AFG3L2: variants seen among roughly 807,000 people sequenced by gnomAD.
AFG3L2 encodes mitochondrial inner membrane m-AAA protease component AFG3L2.
AFG3L2 carries 54 observed loss-of-function variants against 94.5 expected under a neutral mutation model. That is an observed-to-expected ratio of 0.57 (90% confidence interval 0.46 to 0.72). The LOEUF (loss-of-function observed/expected upper bound fraction) is 0.72, where lower values mean the gene tolerates loss of function less well. AFG3L2 is among the 30% of genes least tolerant of loss of function. AFG3L2 has a pLI of 0.00. For synonymous variants in AFG3L2, 377 were observed against 365.5 expected, an observed-to-expected ratio of 1.03 and a Z score of -0.36; for missense variants, 754 against 994.9, an observed-to-expected ratio of 0.76 and a Z score of 3.26.
chr18:12,336,947 C>A (rs184361181), intron 16 of AFG3L2, among the ~76,000 whole-genome samples: 26 of 152,228 alleles, frequency 1.7e-4, no homozygotes, highest in African/African-American at 6.3e-4. Flanking sequence ...TTGGCTGCTT[C>A]TTTTACTTGC....
At chr18:12,332,940 C>CATATACTATATACT (rs1568131835) in intron 16 of AFG3L2, among the ~76,000 whole-genome samples, 2 of 112,202 alleles carry the variant, frequency 1.8e-5, no homozygotes, top group African/African-American at 6.9e-5. Context: ...TACTATATAA[C>CATATACTATATACT]ATATAATATA....
intron 11 of AFG3L2, 44 bp downstream of exon 11, chr18:12,351,262 T>C (rs1166866311): frequency 1.2e-6 from 2 of 1,614,068 alleles, no homozygotes; most frequent in Non-Finnish European, 1.7e-6. Flanking sequence ...CAGTCACACC[T>C]ACACTCATGA....
intron 9 of AFG3L2, among the ~76,000 whole-genome samples, chr18:12,355,690 G>A (rs1908471647): frequency 6.8e-6 from 1 of 147,646 alleles, no homozygotes; most frequent in African/African-American, 2.5e-5. Context: ...TTTTTTTTGA[G>A]ACGAGTCTCA....
At chr18:12,348,544 G>A (rs1384682008) in intron 12 of AFG3L2, among the ~76,000 whole-genome samples, 161 bp from the exon 13 acceptor site, 1 of 152,204 alleles carries the variant, frequency 6.6e-6, no homozygotes, top group Non-Finnish European at 1.5e-5. Context: ...ATAACCCTAA[G>A]CTATTCTAGC....
chr18:12,367,297 G>A lies in AFG3L2; in HGVS notation c.378C>T (p.His126=). The part of the protein sequence containing the change: ...GKRGGKKDDS[H]WWSRFQKGDI... The stretch of plus-strand genomic sequence containing the variant: ...AAACCTTCTGAAACCTGGACCACCA[G>A]TGAGAATCATCTTTCTTGCCACCTC... The change falls in exon 4 of 17, where the codon CAC becomes CAT. Residue 126 remains histidine (H), a synonymous_variant. Coordinates refer to ENST00000269143, the MANE Select transcript of AFG3L2 (RefSeq NM_006796.3). 1.2e-6 allele frequency: 2 copies of A among 1,614,206 alleles called. No individual in the cohort carries two copies. The highest frequency in any genetic ancestry group is 1.7e-6 in the Non-Finnish European group (2 of 1,180,048).
intron 15 of AFG3L2, among the ~76,000 whole-genome samples, chr18:12,338,419 C>T (rs1245993469): frequency 2.0e-5 from 3 of 152,102 alleles, no homozygotes; most frequent in Non-Finnish European, 4.4e-5. Flanking sequence ...CCATGGGGCC[C>T]AGGGAACAGT....
chr18:12,359,135 T>C (rs1300933438), intron 7 of AFG3L2, among the ~76,000 whole-genome samples, 192 bp from the exon 8 acceptor site: 1 of 152,192 alleles, frequency 6.6e-6, no homozygotes, highest in African/African-American at 2.4e-5. Flanking sequence ...GGCAACCAAC[T>C]CTTCGAAATA....
chr18:12,344,228 C>A lies in AFG3L2; in HGVS notation c.1683G>T (p.Gln561His). Residue 561 changes from glutamine to histidine, a missense_variant, in exon 14 of 17, where the codon CAG (glutamine) becomes CAT (histidine). Gln to His is a conservative substitution (Grantham distance 24). Around this residue, in one of 4 missense-constraint regions of AFG3L2, gnomAD observed 279 missense variants for 378.6 expected, o/e 0.74. Transcript: ENST00000269143. ...RVIGGLEKKT[Q>H]VLQPEEKKTV... is the part of the protein sequence containing the mutation. ...TCTTCTTCTCCTCAGGCTGCAGAAC[C>A]TGCGTTTTCTTCTCTAAGCCTAACA... 1.9e-6 allele frequency: 3 copies of A among 1,614,156 alleles called. No homozygotes were observed. The highest frequency in any genetic ancestry group is 2.5e-6 in the Non-Finnish European group (3 of 1,180,002).
At position 12,351,425 on chromosome 18, in the gene AFG3L2, CA is replaced by C; in HGVS notation, c.1319-13del. 6.2e-7 allele frequency: 1 copy of C among 1,611,052 alleles called. No individual in the cohort carries two copies. The highest frequency in any genetic ancestry group is 8.5e-7 in the Non-Finnish European group (1 of 1,177,480). On this transcript the variant is annotated splice_polypyrimidine_tract_variant and intron_variant, in intron 10 of 16. Transcript: ENST00000269143. ...TGTTGTATTAAAACCTGAAAGATAA[CA>C]AAAATGCAAACACTATTAAATGACA...
chr18:12,349,425 G>A (rs1190128792), intron 12 of AFG3L2, among the ~76,000 whole-genome samples: 1 of 152,078 alleles, frequency 6.6e-6, no homozygotes, highest in African/African-American at 2.4e-5. Flanking sequence ...GAAACACTAT[G>A]ACCACAAAAA....
chr18:12,363,922 C>A (rs751353175), intron 5 of AFG3L2, 66 bp from the exon 6 acceptor site: 4 of 1,177,868 alleles, frequency 3.4e-6, no homozygotes, highest in South Asian at 1.2e-5. Flanking sequence ...CTTTTAAGCT[C>A]ATTTAAAATG....
rs564009026 is a variant in AFG3L2 at position 12,367,129 on chromosome 18, G to A, written c.400-12C>T. 4 of 1,614,184 alleles carry A rather than the reference G, an allele frequency of 2.5e-6. No individual in the cohort carries two copies. Among genetic ancestry groups the A allele is most frequent in the Admixed American group, 1.7e-5 (1 of 60,022 alleles). On this transcript the variant is annotated splice_polypyrimidine_tract_variant and intron_variant, in intron 4 of 16. Transcript: ENST00000269143. Reference sequence around the variant, plus strand: ...CATGGAATGTCACCCTGGGCAGAGAGGGAGACAGCTTCTGTGAAGAATGAA... The same window carrying A: ...CATGGAATGTCACCCTGGGCAGAGAAGGAGACAGCTTCTGTGAAGAATGAA...
rs750347192 is a variant in AFG3L2, at chr18:12,344,168, G to A, written c.1743C>T (p.Ala581=). 6.8e-6 allele frequency: 11 copies of A among 1,613,786 alleles called. No homozygotes were observed. Among genetic ancestry groups the A allele is most frequent in the South Asian group, 3.3e-5 (3 of 91,064 alleles). Residue 581 remains alanine (A), a synonymous_variant, in exon 14 of 17, where the codon GCC becomes GCT. Transcript: ENST00000269143. ...GGTCTGCGTGCTCCAGATACCAGCC[G>A]GCAACCGCATGGCCTGCTTCGTGGT... ...VAYHEAGHAV[A]GWYLEHADPL... is the part of the protein sequence containing the mutation.
chr18:12,372,427 A>T (rs1250191079), intron 1 of AFG3L2, among the ~76,000 whole-genome samples: 1 of 152,240 alleles, frequency 6.6e-6, no homozygotes, highest in Non-Finnish European at 1.5e-5. Context: ...AGCCCTGTAC[A>T]CTGTGCTGGT....
In AFG3L2 at chr18:12,329,457, G is replaced by C. The variant is rs1196623538; in HGVS notation, c.*108C>G. On this transcript the variant is annotated 3_prime_UTR_variant, in exon 17 of 17. Coordinates refer to ENST00000269143, the MANE Select transcript of AFG3L2 (RefSeq NM_006796.3). ...TCCCCATCATTTCAGCTGGGCCAGT[G>C]GCTGGCTAAAATCAGCGCAGCATTC... 3 of 1,184,142 alleles carry C rather than the reference G, an allele frequency of 2.5e-6. No homozygotes were observed. Among genetic ancestry groups the C allele is most frequent in the African/African-American group, 1.5e-5 (1 of 66,420 alleles). The allele number at this position is 1,184,142 out of a possible 1,614,324, so 73.4% of individuals were successfully genotyped here. A position where few individuals can be genotyped will look rare whatever the true frequency, so the allele number is the denominator to read the frequency against.
At chr18:12,341,113 C>G (rs913061445) in intron 14 of AFG3L2, 1 of 152,496 alleles carries the variant, frequency 6.6e-6, no homozygotes, top group African/African-American at 2.4e-5. Flanking sequence ...GACATTCTGA[C>G]AGTTCTGATG....
intron 1 of AFG3L2, among the ~76,000 whole-genome samples, chr18:12,375,110 G>A (rs540092503): frequency 6.2e-4 from 94 of 151,558 alleles, no homozygotes; most frequent in Non-Finnish European, 1.2e-3. Context: ...GGTAAAACAG[G>A]GAAATGGATA....
chr18:12,351,672 G>A (rs191929258), intron 10 of AFG3L2, among the ~76,000 whole-genome samples: 265 of 151,240 alleles, frequency 1.8e-3, no homozygotes, highest in African/African-American at 6.2e-3. Context: ...TCAGCCTCCC[G>A]AGTAGCTGGG....
At chr18:12,356,390 G>A (rs1022241362) in intron 9 of AFG3L2, among the ~76,000 whole-genome samples, 1 of 152,156 alleles carries the variant, frequency 6.6e-6, no homozygotes, top group African/African-American at 2.4e-5. Flanking sequence ...GACTTCAAGC[G>A]TTCCACCCAC....
Sources: allele counts gnomAD v4.1 joint callset (sites outside exome capture counted in the v4.1 genomes callset), GRCh38; gene constraint gnomAD v4.1.1; regional missense constraint gnomAD v4.1.1; transcripts MANE v1.5; gene names NCBI Gene and HGNC (gene_info 2026-07-23, HGNC 2026-07-21).